The following HTR1E variants were observed in gnomAD, a reference collection of about 807,000 sequenced individuals.
HTR1E encodes the protein 5-hydroxytryptamine receptor 1E, also known as 5-HT-1E.
A neutral mutation model predicts 3.4 loss-of-function variants in HTR1E; 3 were observed. That is an observed-to-expected ratio of 0.89 (90% CI 0.41 to 2.31). HTR1E has a LOEUF of 2.31. HTR1E is among the 30% of genes most tolerant of loss of function. The pLI is 0.05. For synonymous variants in HTR1E, 170 were observed against 182.8 expected (o/e 0.93, Z 0.56); for missense variants, 392 against 467.0 (o/e 0.84, Z 1.48).
At chr6:87,014,254 T>TATAATAATA (rs200002987) in intron 1 of HTR1E, among the ~76,000 whole-genome samples, 47 of 143,816 alleles carry the variant, frequency 3.3e-4, no homozygotes, top group Non-Finnish European at 5.3e-4. Context: ...GAACTTAAAG[T>TATAATAATA]ATAATAATAA....
intron 1 of HTR1E, among the ~76,000 whole-genome samples, chr6:87,009,051 TTTTA>T (rs941390946): frequency 6.7e-6 from 1 of 149,268 alleles, no homozygotes; most frequent in Non-Finnish European, 1.5e-5. Flanking sequence ...CCACACTTCT[TTTTA>T]TTTTTTTTTT....
chr6:86,981,473 G>T (rs1767710180), intron 1 of HTR1E, among the ~76,000 whole-genome samples: 1 of 152,130 alleles, frequency 6.6e-6, no homozygotes, highest in Non-Finnish European at 1.5e-5. Context: ...ACTCCACAAA[G>T]CTGTGAGAAA....
chr6:86,956,329 T>G (rs1767323698), intron 1 of HTR1E, among the ~76,000 whole-genome samples: 1 of 152,086 alleles, frequency 6.6e-6, no homozygotes, highest in Non-Finnish European at 1.5e-5. Context: ...ATCTAATCTC[T>G]CTGAAGCCTG....
intron 1 of HTR1E, among the ~76,000 whole-genome samples, chr6:87,003,571 A>G (rs1441718172): frequency 1.3e-5 from 2 of 151,914 alleles, no homozygotes; most frequent in African/African-American, 4.8e-5. Context: ...AAGAAATTGA[A>G]AAGTTTCTTG....
chr6:87,002,726 G>A (rs116557818), intron 1 of HTR1E, among the ~76,000 whole-genome samples: 3,305 of 152,222 alleles, frequency 0.022, 104 homozygotes, highest in African/African-American at 0.075. Flanking sequence ...CTGATTGGTG[G>A]GTTTATAATC....
intron 1 of HTR1E, among the ~76,000 whole-genome samples, chr6:87,011,961 T>G (rs1362601061): frequency 6.6e-6 from 1 of 152,162 alleles, no homozygotes; most frequent in African/African-American, 2.4e-5. Flanking sequence ...GGTCTAAGAC[T>G]TGGGCCAGAA....
At chr6:86,959,582 C>T (rs987025950) in intron 1 of HTR1E, among the ~76,000 whole-genome samples, 9 of 152,154 alleles carry the variant, frequency 5.9e-5, no homozygotes. Flanking sequence ...AATCTGGGTA[C>T]CATTGCCTAG....
intron 1 of HTR1E, among the ~76,000 whole-genome samples, chr6:87,005,078 G>C (rs1768081528): frequency 6.6e-6 from 1 of 152,058 alleles, no homozygotes; most frequent in African/African-American, 2.4e-5. Flanking sequence ...CATGATGCAA[G>C]ACATTGAAGA....
Position 87,016,135 on chromosome 6 carries a change from C to T in HTR1E, c.801C>T (p.Pro267=), listed in dbSNP as rs759859497. 1.2e-6 allele frequency: 2 copies of T among 1,614,208 alleles called. No homozygotes were observed. Among genetic ancestry groups the T allele is most frequent in the Non-Finnish European group, 8.5e-7 (1 of 1,180,036 alleles). Residue 267 remains proline (P), a synonymous_variant, in exon 2 of 2, where the codon CCC becomes CCT. Coordinates refer to ENST00000305344, the MANE Select transcript of HTR1E (RefSeq NM_000865.3). ...EKFHASIRIP[P]FDNDLDHPGE... ...TCCATGCCTCCATCAGGATCCCCCC[C>T]TTCGACAATGATCTAGATCACCCAG... is the stretch of plus-strand genomic sequence containing the variant.
At chr6:86,959,481 G>T (rs1767375835) in intron 1 of HTR1E, among the ~76,000 whole-genome samples, 2 of 152,080 alleles carry the variant, frequency 1.3e-5, no homozygotes, top group African/African-American at 4.8e-5. Flanking sequence ...TATTCAGGAG[G>T]CAGAGGCATG....
intron 1 of HTR1E, among the ~76,000 whole-genome samples, chr6:86,987,628 A>T (rs1234727316): frequency 6.6e-6 from 1 of 152,174 alleles, no homozygotes; most frequent in African/African-American, 2.4e-5. Context: ...TTAACTGGCC[A>T]TGTGTCTTAG....
chr6:86,948,339 G>A (rs1228650226), intron 1 of HTR1E, among the ~76,000 whole-genome samples: 1 of 152,058 alleles, frequency 6.6e-6, no homozygotes, highest in Non-Finnish European at 1.5e-5. Context: ...TATTTAACCA[G>A]TCATTACTAT....
chr6:86,972,395 G>C (rs1767572561), intron 1 of HTR1E, among the ~76,000 whole-genome samples: 1 of 152,146 alleles, frequency 6.6e-6, no homozygotes, highest in Non-Finnish European at 1.5e-5. Flanking sequence ...ACTGAGTGAA[G>C]TAACCAACTT....
intron 1 of HTR1E, among the ~76,000 whole-genome samples, chr6:87,007,678 G>C (rs779053959): frequency 6.6e-6 from 1 of 152,132 alleles, no homozygotes; most frequent in Non-Finnish European, 1.5e-5. Flanking sequence ...GCTCACACTT[G>C]TTATCCCAGC....
At chr6:87,007,043 CAAA>C (rs1397128659) in intron 1 of HTR1E, among the ~76,000 whole-genome samples, 3 of 152,144 alleles carry the variant, frequency 2.0e-5, no homozygotes, top group Non-Finnish European at 4.4e-5. Flanking sequence ...ACCTATGTAA[CAAA>C]CCTGCACATC....
intron 1 of HTR1E, among the ~76,000 whole-genome samples, chr6:86,943,515 G>A (rs1768572530): frequency 6.6e-6 from 1 of 152,154 alleles, no homozygotes; most frequent in Admixed American, 6.5e-5. Context: ...TACATGCCCT[G>A]TCTACCTCAG....
intron 1 of HTR1E, among the ~76,000 whole-genome samples, chr6:86,981,772 T>C (rs1767715070): frequency 6.6e-6 from 1 of 152,236 alleles, no homozygotes; most frequent in Non-Finnish European, 1.5e-5. Flanking sequence ...AATTTACTGG[T>C]CTCAAAGAAA....
chr6:86,996,690 TAC>T (rs1767943857), intron 1 of HTR1E, among the ~76,000 whole-genome samples: 2 of 152,046 alleles, frequency 1.3e-5, no homozygotes, highest in Non-Finnish European at 2.9e-5. Flanking sequence ...CGTGAACTAT[TAC>T]AATTCACCCA....
intron 1 of HTR1E, among the ~76,000 whole-genome samples, chr6:86,953,062 C>G (rs1347633911): frequency 6.6e-6 from 1 of 152,206 alleles, no homozygotes; most frequent in Non-Finnish European, 1.5e-5. Context: ...CCTTGACTGA[C>G]TCAGCCAACC....
Sources: gnomAD v4.1 joint callset for allele counts (sites outside exome capture counted in the v4.1 genomes callset) on GRCh38, gnomAD v4.1.1 for gene constraint, MANE v1.5 for transcripts, NCBI Gene and HGNC (gene_info 2026-07-23, HGNC 2026-07-21) for gene names.